The following PRH1 variants were observed in gnomAD, a reference collection of about 807,000 sequenced individuals.
PRH1 encodes proline rich protein HaeIII subfamily 1, also known as salivary acidic proline-rich phosphoprotein 1/2.
In PRH1, 7 loss-of-function variants were observed where a neutral mutation model predicts 7.9. The observed-to-expected ratio is 0.89, with a 90% CI of 0.50 to 1.67. The LOEUF is 1.67. Among genes scored for constraint, PRH1 ranks in the 40% most tolerant of loss-of-function variants. PRH1 has a pLI of 0.00. For missense variants in PRH1, 109 were observed against 223.6 expected, an observed-to-expected ratio of 0.49 and a Z score of 3.27; for synonymous variants, 45 against 80.8, an observed-to-expected ratio of 0.56 and a Z score of 2.38.
chr12:11,156,313 T>C (rs1313847819), intron 1 of PRH1, among the ~76,000 whole-genome samples: 1 of 151,776 alleles, frequency 6.6e-6, no homozygotes, highest in Non-Finnish European at 1.5e-5. Flanking sequence ...GGTCTTTGGT[T>C]TCCTGTAGCA....
chr12:10,935,499 G>C (rs892632677), intron 2 of PRH1, among the ~76,000 whole-genome samples: 2 of 152,098 alleles, frequency 1.3e-5, no homozygotes, highest in African/African-American at 4.8e-5. Context: ...CTTTGTTAAA[G>C]CCAGATAGGG....
At chr12:11,030,745 C>G in intron 1 of PRH1, 1 of 1,614,178 alleles carries the variant, frequency 6.2e-7, no homozygotes, top group Non-Finnish European at 8.5e-7. Flanking sequence ...AACAGATTAA[C>G]AGCAAAAAAC....
At chr12:11,160,534 A>C (rs777703672) in intron 1 of PRH1, among the ~76,000 whole-genome samples, 3 of 152,138 alleles carry the variant, frequency 2.0e-5, no homozygotes, top group Non-Finnish European at 4.4e-5. Flanking sequence ...GCAGTGGCAC[A>C]ATCTCAGCTC....
chr12:10,939,203 C>T (rs757612514), intron 2 of PRH1: 10 of 1,547,826 alleles, frequency 6.5e-6, no homozygotes, highest in South Asian at 1.2e-5. Context: ...TATGACACCA[C>T]CCATTGCCTG....
At chr12:10,910,668 A>C (rs1949885491) in intron 2 of PRH1, among the ~76,000 whole-genome samples, 1 of 152,148 alleles carries the variant, frequency 6.6e-6, no homozygotes, top group South Asian at 2.1e-4. Flanking sequence ...CTCTTTCAAA[A>C]ACTACCGAAA....
At chr12:10,898,596 T>C (rs1342469093) in intron 2 of PRH1, among the ~76,000 whole-genome samples, 1 of 152,196 alleles carries the variant, frequency 6.6e-6, no homozygotes, top group Non-Finnish European at 1.5e-5. Flanking sequence ...AGATGAACTC[T>C]AAACATATAA....
chr12:10,949,440 T>C (rs2135910430), intron 2 of PRH1, among the ~76,000 whole-genome samples: 1 of 152,342 alleles, frequency 6.6e-6, no homozygotes, highest in East Asian at 1.9e-4. Flanking sequence ...CTGGAGGCTT[T>C]GTCCAAGATT....
chr12:11,006,035 T>C (rs1173306456), intron 1 of PRH1: 1 of 152,112 alleles, frequency 6.6e-6, no homozygotes, highest in Non-Finnish European at 1.5e-5. Context: ...ATCTTGTTTT[T>C]TACTTCTTTT....
intron 2 of PRH1, among the ~76,000 whole-genome samples, chr12:10,929,754 C>G (rs1211175989): frequency 1.3e-5 from 2 of 152,140 alleles, no homozygotes; most frequent in Non-Finnish European, 2.9e-5. Flanking sequence ...ATTGCTGAGG[C>G]AGAGAATTGG....
At chr12:10,947,356 T>C (rs914257609) in intron 2 of PRH1, among the ~76,000 whole-genome samples, 9 of 152,230 alleles carry the variant, frequency 5.9e-5, no homozygotes, top group Non-Finnish European at 1.0e-4. Flanking sequence ...TCTTGTTAAA[T>C]TGAATACTTT....
At chr12:11,090,116 T>C (rs1944829301) in intron 1 of PRH1, among the ~76,000 whole-genome samples, 1 of 116,594 alleles carries the variant, frequency 8.6e-6, no homozygotes, top group African/African-American at 2.9e-5. Context: ...AACAGGACTG[T>C]ACATTTCTTT....
At chr12:10,990,891 G>A (rs969910321) in intron 1 of PRH1, among the ~76,000 whole-genome samples, 1 of 152,184 alleles carries the variant, frequency 6.6e-6, no homozygotes. Flanking sequence ...CGTGTTTTTG[G>A]TCTAAGCATC....
intron 1 of PRH1, among the ~76,000 whole-genome samples, chr12:11,170,922 G>A (rs1428432407): frequency 6.6e-6 from 1 of 152,116 alleles, no homozygotes; most frequent in African/African-American, 2.4e-5. Flanking sequence ...TTAATATTAT[G>A]AAATCAAAAG....
chr12:11,155,129 A>T (rs1017212654), intron 1 of PRH1, among the ~76,000 whole-genome samples: 1 of 152,206 alleles, frequency 6.6e-6, no homozygotes, highest in African/African-American at 2.4e-5. Context: ...CCCAGGCAGT[A>T]ACACTCGATC....
At chr12:10,948,539 T>C (rs984485201) in intron 2 of PRH1, among the ~76,000 whole-genome samples, 7 of 152,208 alleles carry the variant, frequency 4.6e-5, no homozygotes, top group Non-Finnish European at 1.0e-4. Context: ...CACATTATTG[T>C]GATTCTTATT....
At chr12:11,160,054 G>C (rs1947367278) in intron 1 of PRH1, among the ~76,000 whole-genome samples, 1 of 152,112 alleles carries the variant, frequency 6.6e-6, no homozygotes, top group Non-Finnish European at 1.5e-5. Context: ...AGTCGAGTAT[G>C]TAAACATGCA....
intron 2 of PRH1, among the ~76,000 whole-genome samples, chr12:10,923,224 C>G (rs1950077068): frequency 6.6e-6 from 1 of 151,564 alleles, no homozygotes; most frequent in Non-Finnish European, 1.5e-5. Flanking sequence ...CTCCCAGGTT[C>G]AAGTAATTCT....
chr12:11,126,882 G>A (rs1046935651), intron 1 of PRH1, among the ~76,000 whole-genome samples: 1 of 152,372 alleles, frequency 6.6e-6, no homozygotes, highest in East Asian at 1.9e-4. Context: ...TAAGCCTAAT[G>A]AAGGTGCCCA....
At chr12:11,061,808 T>A (rs1943617539) in intron 1 of PRH1, 6 of 1,614,060 alleles carry the variant, frequency 3.7e-6, no homozygotes, top group African/African-American at 2.7e-5. Context: ...ATCTTCCAAG[T>A]CATGTTTCCT....
Sources: allele counts gnomAD v4.1 joint callset (sites outside exome capture counted in the v4.1 genomes callset), GRCh38; gene constraint gnomAD v4.1.1; transcripts MANE v1.5; gene names NCBI Gene and HGNC (gene_info 2026-07-23, HGNC 2026-07-21).